Variants in RBPMS2 observed in about 807,000 individuals in gnomAD.
RBPMS2 encodes the protein RNA binding protein, mRNA processing factor 2.
RBPMS2 carries 14 observed loss-of-function variants against 25.7 expected under a neutral mutation model. The observed-to-expected ratio is 0.55, with a 90% CI of 0.36 to 0.85. The LOEUF (loss-of-function observed/expected upper bound fraction) is 0.85, where lower values mean the gene tolerates loss of function less well. Among genes scored for constraint, RBPMS2 ranks in the 40% least tolerant of loss-of-function variants. The pLI is 0.01. For missense variants in RBPMS2, 252 were observed against 283.4 expected, an observed-to-expected ratio of 0.89 and a Z score of 0.80; for synonymous variants, 127 against 115.6, an observed-to-expected ratio of 1.10 and a Z score of -0.63.
chr15:64,759,403 T>C (rs2083761874), intron 1 of RBPMS2, among the ~76,000 whole-genome samples: 1 of 152,134 alleles, frequency 6.6e-6, no homozygotes, highest in East Asian at 1.9e-4. Flanking sequence ...CAAGCTGACA[T>C]CCAAATGTTC....
intron 6 of RBPMS2, among the ~76,000 whole-genome samples, chr15:64,748,017 G>A (rs568074739): frequency 5.4e-4 from 81 of 151,346 alleles, no homozygotes; most frequent in Non-Finnish European, 9.3e-4. Flanking sequence ...AAAAAAAATC[G>A]AGGCACAGCA....
At chr15:64,743,429 T>C (rs1790316409) in intron 6 of RBPMS2, among the ~76,000 whole-genome samples, 1 of 152,276 alleles carries the variant, frequency 6.6e-6, no homozygotes, top group African/African-American at 2.4e-5. Context: ...TTGGGACAGC[T>C]GTGCCACTGA....
At position 64,746,583 on chromosome 15, in the gene RBPMS2, G is replaced by A. The variant is rs117824637; in HGVS notation, c.567+1836C>T. 2.6e-3 allele frequency among the ~76,000 whole-genome samples: 391 copies of A among 152,266 alleles called. 15 individuals are homozygous for A. In the East Asian group the frequency reaches 0.055, roughly 22 times the overall value. On this transcript the variant is annotated intron_variant, in intron 6 of 7. Coordinates refer to ENST00000300069, the MANE Select transcript of RBPMS2 (RefSeq NM_194272.3). ...AGTTGGACAGCTGCAGAGTGTGGAT[G>A]GGGTGGGAGAAAACTGGGAAGGAAG...
chr15:64,748,280 T>C, intron 6 of RBPMS2, 139 bp downstream of exon 6: 1 of 902,228 alleles, frequency 1.1e-6, no homozygotes, highest in South Asian at 1.8e-5. Flanking sequence ...GTCCCTGGGG[T>C]CTGGGCTTTC....
rs2083547009 is a variant in RBPMS2, at chr15:64,740,232, C to T, written c.*776G>A. On this transcript the variant is annotated 3_prime_UTR_variant, in exon 8 of 8. Coordinates refer to ENST00000300069, the MANE Select transcript of RBPMS2 (RefSeq NM_194272.3). Reference sequence around the variant, plus strand: ...CGCACATGAAAAATCCTTTATGATGCATAAATATTTTGTTACACAGGGTAC... The same window carrying T: ...CGCACATGAAAAATCCTTTATGATGTATAAATATTTTGTTACACAGGGTAC... 1 of 152,250 alleles carries T rather than the reference C, an allele frequency of 6.6e-6. No individual in the cohort carries two copies. Among genetic ancestry groups the T allele is most frequent in the Non-Finnish European group, 1.5e-5 (1 of 68,032 alleles). 9.4% of individuals were successfully genotyped at this position (152,250 alleles called of 1,614,324 possible). A position where few individuals can be genotyped will look rare whatever the true frequency, so the allele number is the denominator to read the frequency against.
chr15:64,747,569 G>T (rs1034524588), intron 6 of RBPMS2, among the ~76,000 whole-genome samples: 1 of 152,180 alleles, frequency 6.6e-6, no homozygotes, highest in African/African-American at 2.4e-5. Flanking sequence ...TCCTGTGGCT[G>T]CCTGGCTGCA....
At chr15:64,774,635 CTAAT>C (rs5813319) in intron 1 of RBPMS2, among the ~76,000 whole-genome samples, 131,628 of 151,244 alleles carry the variant, frequency 0.87, 58,493 homozygotes, top group East Asian at 0.96. Flanking sequence ...ATCTTCCAAA[CTAAT>C]TAAATTGTGG....
chr15:64,749,158 G>A lies in RBPMS2; in HGVS notation c.268-8C>T, dbSNP rs773822174. On this transcript the variant is annotated splice_region_variant and splice_polypyrimidine_tract_variant and intron_variant, in intron 4 of 7. Transcript: ENST00000300069. The stretch of plus-strand genomic sequence containing the variant: ...GGGATCAAAGCGAATACCCTACATG[G>A]GTAGAGAAAAGAAGAGAAAGGCTTA... 16 of 1,614,006 alleles carry A rather than the reference G, an allele frequency of 9.9e-6. No homozygotes were observed. Among genetic ancestry groups the A allele is most frequent in the Non-Finnish European group, 5.1e-6 (6 of 1,179,930 alleles).
At chr15:64,765,543 C>T (rs2083838421) in intron 1 of RBPMS2, among the ~76,000 whole-genome samples, 1 of 151,634 alleles carries the variant, frequency 6.6e-6, no homozygotes, top group Non-Finnish European at 1.5e-5. Context: ...CATGCCACTA[C>T]ACTCCAGCCT....
intron 6 of RBPMS2, among the ~76,000 whole-genome samples, chr15:64,741,581 T>C (rs900374198): frequency 6.6e-6 from 1 of 152,312 alleles, no homozygotes; most frequent in African/African-American, 2.4e-5. Flanking sequence ...TCCCCTTTAC[T>C]GACACAGCAC....
chr15:64,767,132 C>T (rs2083854106), intron 1 of RBPMS2, among the ~76,000 whole-genome samples: 1 of 151,794 alleles, frequency 6.6e-6, no homozygotes, highest in South Asian at 2.1e-4. Context: ...GGGGCTCTCA[C>T]TCTATCACCC....
At position 64,748,516 on chromosome 15, in the gene RBPMS2, G is replaced by C. The variant is rs2083640952; in HGVS notation, c.470C>G (p.Pro157Arg). The C allele has an allele frequency of 6.2e-7, 1 of 1,610,542 alleles. No homozygotes were observed. Among genetic ancestry groups the C allele is most frequent in the African/African-American group, 1.3e-5 (1 of 74,778 alleles). ...CAGCTCTGTGGTGTACAAAGGGTAG[G>C]GGGCCCAGGCCTCTGGGGATGCAGG... ...LIPASPEAWAPYPLYTTELTP... is the reference protein window; with the variant it reads ...LIPASPEAWARYPLYTTELTP... The change falls in exon 6 of 8, where the codon CCC (proline) becomes CGC (arginine). Residue 157 changes from proline (P) to arginine (R), a missense_variant. Transcript: ENST00000300069.
intron 6 of RBPMS2, among the ~76,000 whole-genome samples, chr15:64,743,880 G>A (rs549084795): frequency 2.6e-5 from 4 of 152,254 alleles, no homozygotes; most frequent in Admixed American, 6.5e-5. Flanking sequence ...AGAGGTGGGC[G>A]GATCTCTTGA....
chr15:64,750,531 C>A, intron 2 of RBPMS2, 150 bp from the exon 3 acceptor site: 1 of 728,734 alleles, frequency 1.4e-6, no homozygotes, highest in Non-Finnish European at 2.5e-6. Context: ...TCCGCCACTG[C>A]CAAACGTCCA....
chr15:64,749,254 C>A, intron 4 of RBPMS2, 104 bp from the exon 5 acceptor site: 6 of 1,436,496 alleles, frequency 4.2e-6, no homozygotes, highest in Non-Finnish European at 5.9e-6. Flanking sequence ...CCTCGAAGAC[C>A]TGCCCACACG....
intron 1 of RBPMS2, among the ~76,000 whole-genome samples, chr15:64,766,364 T>C (rs930385079): frequency 6.6e-6 from 1 of 152,142 alleles, no homozygotes; most frequent in African/African-American, 2.4e-5. Context: ...TCCTGTCACC[T>C]GTCTAGTGTT....
intron 1 of RBPMS2, chr15:64,762,437 T>A (rs1435159822): frequency 1.9e-6 from 1 of 534,792 alleles, no homozygotes; most frequent in Non-Finnish European, 3.8e-6. Flanking sequence ...TTTCTAAGTT[T>A]ACGGCTTTCC....
intron 2 of RBPMS2, 60 bp downstream of exon 2, chr15:64,751,501 C>T: frequency 2.1e-6 from 3 of 1,458,428 alleles, no homozygotes; most frequent in Non-Finnish European, 2.9e-6. Flanking sequence ...CCGAGATTCA[C>T]TCCCGCTGCT....
intron 3 of RBPMS2, 39 bp from the exon 4 acceptor site, chr15:64,749,532 A>G (rs1157668069): frequency 1.3e-6 from 2 of 1,512,758 alleles, no homozygotes; most frequent in Non-Finnish European, 1.8e-6. Context: ...TATCTCTCCT[A>G]GCATTCCACC....
Sources: allele counts gnomAD v4.1 joint callset (sites outside exome capture counted in the v4.1 genomes callset), GRCh38; gene constraint gnomAD v4.1.1; transcripts MANE v1.5; gene names NCBI Gene and HGNC (gene_info 2026-07-23, HGNC 2026-07-21).